Variants in TCF12 observed in about 807,000 individuals in gnomAD.
The protein encoded by TCF12 is transcription factor 12, also known as DNA-binding protein HTF4.
Under a neutral mutation model 86.0 loss-of-function variants are expected in TCF12, and 45 were observed. That is an observed-to-expected ratio of 0.52 (90% confidence interval 0.41 to 0.67). TCF12 has a LOEUF of 0.67. TCF12 is among the 30% of genes least tolerant of loss of function. The probability of loss-of-function intolerance (pLI) is 0.00; values close to 1 mark genes in which losing one functional copy is unlikely to be tolerated. For synonymous variants in TCF12, 330 were observed against 299.6 expected (o/e 1.10, Z -1.05); for missense variants, 881 against 859.9 (o/e 1.02, Z -0.31).
chr15:57,148,429 G>A (rs2053520181), intron 5 of TCF12, among the ~76,000 whole-genome samples: 1 of 142,468 alleles, frequency 7.0e-6, no homozygotes, highest in Non-Finnish European at 1.6e-5. Flanking sequence ...AAAAAAAATT[G>A]TCTAGTTTCC....
At chr15:57,026,360 A>T (rs145688370) in intron 3 of TCF12, among the ~76,000 whole-genome samples, 1 of 152,350 alleles carries the variant, frequency 6.6e-6, no homozygotes, top group African/African-American at 2.4e-5. Flanking sequence ...TCAAGAGAAT[A>T]TGGGTTTCAG....
chr15:56,933,615 C>T (rs1754788355), intron 3 of TCF12, among the ~76,000 whole-genome samples: 1 of 152,024 alleles, frequency 6.6e-6, no homozygotes, highest in African/African-American at 2.4e-5. Flanking sequence ...AAGATGAGGA[C>T]AATAAAAATA....
At chr15:57,038,393 C>T (rs997298020) in intron 3 of TCF12, among the ~76,000 whole-genome samples, 6 of 148,334 alleles carry the variant, frequency 4.0e-5, no homozygotes, top group Non-Finnish European at 7.4e-5. Flanking sequence ...ATACCACTTG[C>T]ACTCCAGCTG....
chr15:57,267,599 C>T (rs1450209168), intron 18 of TCF12, among the ~76,000 whole-genome samples: 4 of 152,128 alleles, frequency 2.6e-5, no homozygotes, highest in Admixed American at 2.6e-4. Flanking sequence ...CAGCTACTTA[C>T]CACTGCCATT....
chr15:57,042,279 G>A (rs2066947162), intron 3 of TCF12, among the ~76,000 whole-genome samples: 1 of 152,038 alleles, frequency 6.6e-6, no homozygotes, highest in Non-Finnish European at 1.5e-5. Context: ...TCAGATGGAC[G>A]TGGACGAAGG....
intron 4 of TCF12, among the ~76,000 whole-genome samples, chr15:57,075,785 T>C (rs933682298): frequency 3.7e-5 from 2 of 54,640 alleles, no homozygotes; most frequent in African/African-American, 1.6e-4. Context: ...TTTCTTTCTT[T>C]CTTTCTTTCT....
At chr15:57,170,731 ATATATAATATATATTATATAT>A (rs2055368034) in intron 6 of TCF12, among the ~76,000 whole-genome samples, 1 of 1,620 alleles carries the variant, frequency 6.2e-4, no homozygotes, top group African/African-American at 1.8e-3. Context: ...ATTATATATT[ATATATAATATATATTATATAT>A]TATATATTAT....
intron 4 of TCF12, among the ~76,000 whole-genome samples, chr15:57,073,157 T>C (rs2069565368): frequency 6.6e-6 from 1 of 152,238 alleles, no homozygotes; most frequent in Non-Finnish European, 1.5e-5. Flanking sequence ...ATTTCTCACC[T>C]TACTGTGATT....
chr15:57,018,112 T>C (rs527298056), intron 3 of TCF12, among the ~76,000 whole-genome samples: 1 of 152,276 alleles, frequency 6.6e-6, no homozygotes, highest in East Asian at 1.9e-4. Flanking sequence ...GCAAAATTAA[T>C]GTAAGTAGAG....
intron 12 of TCF12, among the ~76,000 whole-genome samples, chr15:57,236,524 G>C (rs775979875): frequency 1.3e-5 from 2 of 152,138 alleles, no homozygotes; most frequent in Non-Finnish European, 2.9e-5. Context: ...TTTAGATGGA[G>C]AAACACTATG....
intron 5 of TCF12, among the ~76,000 whole-genome samples, chr15:57,155,749 C>T (rs761007568): frequency 4.6e-5 from 7 of 152,150 alleles, no homozygotes; most frequent in Non-Finnish European, 1.0e-4. Flanking sequence ...CACTGCATTC[C>T]AGCCTGGACA....
intron 7 of TCF12, among the ~76,000 whole-genome samples, chr15:57,195,853 T>G (rs1307897102): frequency 2.0e-5 from 3 of 152,060 alleles, no homozygotes; most frequent in African/African-American, 7.2e-5. Flanking sequence ...GAAATTTTTT[T>G]AATTAGCTGG....
intron 3 of TCF12, among the ~76,000 whole-genome samples, chr15:56,950,678 C>G (rs776547820): frequency 1.3e-5 from 2 of 148,614 alleles, no homozygotes; most frequent in African/African-American, 2.5e-5. Context: ...TTTATTTCCT[C>G]TCCTGTTAAT....
rs181416795 is a variant in TCF12 at position 57,170,954 on chromosome 15, T to A, written c.390+4488T>A. Among the ~76,000 whole-genome samples the A allele has an allele frequency of 8.7e-5, 13 of 149,252 alleles. No homozygotes were observed. The East Asian group carries it at 2.6e-3, about 29-fold the overall frequency. ...ACCACTCCCAGAGGAAATTTAAATT[T>A]TTAACAAATGTCCAGGTGATTTTGA... is the stretch of plus-strand genomic sequence containing the variant. On this transcript the variant is annotated intron_variant, in intron 6 of 20. Transcript: ENST00000333725.
At chr15:57,201,950 C>CG (rs1243674918) in intron 8 of TCF12, among the ~76,000 whole-genome samples, 20 of 151,808 alleles carry the variant, frequency 1.3e-4, no homozygotes, top group Admixed American at 5.2e-4. Context: ...GGTAATTTGT[C>CG]GGGGGAAAAA....
chr15:57,254,894 T>G (rs1358228768), intron 16 of TCF12, among the ~76,000 whole-genome samples: 3 of 123,734 alleles, frequency 2.4e-5, no homozygotes, highest in Middle Eastern at 8.4e-3. Context: ...AAGAAAAAAA[T>G]ATGAGAGGGT....
At chr15:57,233,342 A>G (rs965661903) in intron 11 of TCF12, among the ~76,000 whole-genome samples, 1 of 150,094 alleles carries the variant, frequency 6.7e-6, no homozygotes, top group Non-Finnish European at 1.5e-5. Flanking sequence ...TACTCAGCTA[A>G]TTTTTTTTTA....
At chr15:57,102,006 A>G (rs1277462850) in intron 5 of TCF12, among the ~76,000 whole-genome samples, 1 of 152,240 alleles carries the variant, frequency 6.6e-6, no homozygotes, top group Non-Finnish European at 1.5e-5. Context: ...CCAGCATACC[A>G]ATATCAATGA....
intron 3 of TCF12, among the ~76,000 whole-genome samples, chr15:56,978,822 G>A (rs1476280659): frequency 6.6e-6 from 1 of 152,152 alleles, no homozygotes; most frequent in Non-Finnish European, 1.5e-5. Flanking sequence ...AAAAGCCCAA[G>A]GGAGCTTTAT....
Sources: allele counts gnomAD v4.1 joint callset (sites outside exome capture counted in the v4.1 genomes callset), GRCh38; gene constraint gnomAD v4.1.1; transcripts MANE v1.5; gene names NCBI Gene and HGNC (gene_info 2026-07-23, HGNC 2026-07-21).